The following LRRC4C variants were observed in gnomAD, a reference collection of about 807,000 sequenced individuals.
LRRC4C encodes the protein leucine-rich repeat-containing protein 4C.
LRRC4C carries 5 observed loss-of-function variants against 33.6 expected under a neutral mutation model. The observed-to-expected ratio is 0.15, with a 90% CI of 0.08 to 0.31. LRRC4C has a LOEUF of 0.31. Ranked by LOEUF, LRRC4C falls within the 10% of genes least tolerant of loss-of-function variation. The pLI is 1.00. For synonymous variants in LRRC4C, 329 were observed against 302.0 expected, an observed-to-expected ratio of 1.09 and a Z score of -0.93; for missense variants, 560 against 796.7, an observed-to-expected ratio of 0.70 and a Z score of 3.58.
intron 4 of LRRC4C, among the ~76,000 whole-genome samples, chr11:40,308,708 G>T (rs1318457064): frequency 2.6e-5 from 4 of 152,162 alleles, no homozygotes; most frequent in Non-Finnish European, 5.9e-5. Flanking sequence ...CCAAAATGAA[G>T]GAAGGTGAAT....
At chr11:40,853,085 T>C (rs923526347) in intron 2 of LRRC4C, among the ~76,000 whole-genome samples, 1 of 152,286 alleles carries the variant, frequency 6.6e-6, no homozygotes, top group African/African-American at 2.4e-5. Flanking sequence ...CACCTAGTGA[T>C]GTCACAGCCT....
chr11:40,821,361 T>G (rs1474064203), intron 2 of LRRC4C, among the ~76,000 whole-genome samples: 1 of 151,518 alleles, frequency 6.6e-6, no homozygotes, highest in Non-Finnish European at 1.5e-5. Context: ...AAAAATAAAT[T>G]TGGAATATAT....
intron 2 of LRRC4C, among the ~76,000 whole-genome samples, chr11:40,834,385 C>A (rs1189788496): frequency 6.6e-6 from 1 of 151,068 alleles, no homozygotes; most frequent in East Asian, 2.0e-4. Context: ...GCAGGAGAAT[C>A]GCTTGAATTC....
chr11:40,759,545 C>T (rs1321206546), intron 2 of LRRC4C, among the ~76,000 whole-genome samples: 4 of 151,720 alleles, frequency 2.6e-5, no homozygotes, highest in Non-Finnish European at 4.4e-5. Context: ...AAAGTAATTG[C>T]GGTTTTTGTC....
chr11:40,727,576 C>T (rs1384191369), intron 2 of LRRC4C, among the ~76,000 whole-genome samples: 1 of 152,108 alleles, frequency 6.6e-6, no homozygotes, highest in Non-Finnish European at 1.5e-5. Flanking sequence ...AACTAACGAG[C>T]TTCTGCACAG....
intron 3 of LRRC4C, among the ~76,000 whole-genome samples, chr11:40,373,940 C>T (rs1948561338): frequency 6.6e-6 from 1 of 152,102 alleles, no homozygotes; most frequent in South Asian, 2.1e-4. Context: ...AATATCCAAC[C>T]TCAGATATTT....
At chr11:41,116,460 C>G (rs1942130738) in intron 1 of LRRC4C, among the ~76,000 whole-genome samples, 1 of 151,944 alleles carries the variant, frequency 6.6e-6, no homozygotes, top group African/African-American at 2.4e-5. Context: ...TTGGCTGATC[C>G]TAGAACAGAG....
intron 1 of LRRC4C, among the ~76,000 whole-genome samples, chr11:41,096,776 T>A (rs139619476): frequency 1.3e-3 from 197 of 152,156 alleles, no homozygotes; most frequent in Middle Eastern, 3.4e-3. Flanking sequence ...TCCTATAAGG[T>A]AAAGCTTTGT....
At chr11:40,929,384 A>G (rs1384343729) in intron 2 of LRRC4C, among the ~76,000 whole-genome samples, 1 of 152,176 alleles carries the variant, frequency 6.6e-6, no homozygotes, top group Non-Finnish European at 1.5e-5. Context: ...TGTACCCCTT[A>G]AATGCATACG....
At chr11:40,613,444 G>T (rs1961438034) in intron 3 of LRRC4C, among the ~76,000 whole-genome samples, 1 of 151,774 alleles carries the variant, frequency 6.6e-6, no homozygotes. Context: ...TGAGATTGCA[G>T]CAACTCAGCC....
chr11:41,238,039 C>T (rs1030772218), intron 1 of LRRC4C, among the ~76,000 whole-genome samples: 2 of 151,786 alleles, frequency 1.3e-5, no homozygotes, highest in African/African-American at 4.9e-5. Context: ...GCTCAACTGT[C>T]ACTCTTTTCC....
intron 1 of LRRC4C, among the ~76,000 whole-genome samples, chr11:41,221,472 C>T (rs1947303244): frequency 6.6e-6 from 1 of 152,002 alleles, no homozygotes; most frequent in Non-Finnish European, 1.5e-5. Flanking sequence ...TTAGTTTAGC[C>T]ATTGTGGAAG....
chr11:40,696,314 T>G lies in LRRC4C; in HGVS notation c.-406-48036A>C, dbSNP rs570005556. Among the ~76,000 whole-genome samples the G allele has an allele frequency of 1.9e-4, 22 of 114,586 alleles. No individual in the cohort carries two copies. In the South Asian group the frequency reaches 4.4e-3, roughly 23 times the overall value. 75.2% of individuals were successfully genotyped at this position (114,586 alleles called of 152,430 possible). ...TATATATATATGGTATATATATATG[T>G]GGTATATATATGAGTATATATATAT... On this transcript the variant is annotated intron_variant, in intron 2 of 6. Coordinates refer to ENST00000528697, the MANE Select transcript of LRRC4C (RefSeq NM_001258419.2).
intron 5 of LRRC4C, among the ~76,000 whole-genome samples, chr11:40,149,479 C>T (rs560175087): frequency 2.6e-5 from 4 of 152,060 alleles, no homozygotes; most frequent in Non-Finnish European, 5.9e-5. Context: ...TGATTTGGCT[C>T]TTGGCTTGAC....
At chr11:40,635,804 T>A (rs185263753) in intron 3 of LRRC4C, among the ~76,000 whole-genome samples, 1,832 of 144,724 alleles carry the variant, frequency 0.013, 33 homozygotes, top group African/African-American at 0.043. Flanking sequence ...GCCCGGCTAA[T>A]TTTTTTTTGT....
chr11:41,329,476 C>T (rs925131316), intron 1 of LRRC4C, among the ~76,000 whole-genome samples: 1 of 152,196 alleles, frequency 6.6e-6, no homozygotes, highest in Non-Finnish European at 1.5e-5. Flanking sequence ...CACTTAACTA[C>T]AAAATGTAAC....
chr11:40,915,086 G>T lies in LRRC4C; in HGVS notation c.-407+18549C>A, dbSNP rs560104929. On this transcript the variant is annotated intron_variant, in intron 2 of 6. Transcript: ENST00000528697. ...GAAGAACATTCCATGCTCATGGGTA[G>T]GAAGAATCAATATCGTGAAAATGGC... is the stretch of plus-strand genomic sequence containing the variant. Among the ~76,000 whole-genome samples, 114 of 152,078 alleles carry T rather than the reference G, an allele frequency of 7.5e-4. 1 individual carries two copies. Among genetic ancestry groups the T allele is most frequent in the Non-Finnish European group, 1.5e-3 (102 of 68,014 alleles).
intron 1 of LRRC4C, among the ~76,000 whole-genome samples, chr11:41,093,703 A>G (rs1307259953): frequency 4.6e-5 from 7 of 152,044 alleles, no homozygotes; most frequent in African/African-American, 1.7e-4. Context: ...TTCTGGAAAC[A>G]TTATGGCCAT....
At chr11:40,811,207 T>C (rs1951474081) in intron 2 of LRRC4C, among the ~76,000 whole-genome samples, 1 of 152,166 alleles carries the variant, frequency 6.6e-6, no homozygotes, top group South Asian at 2.1e-4. Context: ...TCACTTCAAA[T>C]GTGACCTTCT....
Sources: gnomAD v4.1 joint callset for allele counts (sites outside exome capture counted in the v4.1 genomes callset) on GRCh38, gnomAD v4.1.1 for gene constraint, MANE v1.5 for transcripts, NCBI Gene and HGNC (gene_info 2026-07-23, HGNC 2026-07-21) for gene names.